SPEN: variants seen among roughly 807,000 people sequenced by gnomAD.
SPEN encodes the protein msx2-interacting protein.
In SPEN, 18 loss-of-function variants were observed where a neutral mutation model predicts 269.9. The observed-to-expected ratio is 0.07, with a 90% CI of 0.05 to 0.10. SPEN has a LOEUF of 0.10. Ranked by LOEUF, SPEN falls within the 10% of genes least tolerant of loss-of-function variation. The pLI is 1.00. For missense variants in SPEN, 3,822 were observed against 4,631.2 expected, an observed-to-expected ratio of 0.83 and a Z score of 5.07; for synonymous variants, 1,726 against 1,765.7, an observed-to-expected ratio of 0.98 and a Z score of 0.56.
Position 15,873,130 on chromosome 1 carries a change from T to C in SPEN, c.398T>C (p.Leu133Pro), listed in dbSNP as rs766864361. Reference protein sequence around the residue: ...HAREGRYERRLDGASDNRERA... With the variant: ...HAREGRYERRPDGASDNRERA... ...CGAGAAGGACGTTATGAGCGGAGAC[T>C]TGATGGGTAAGTTCCAAGGTTTCTG... Residue 133 changes from leucine (L) to proline (P), a missense_variant, in exon 2 of 15, where the codon CTT (leucine) becomes CCT (proline). Leu to Pro is a moderately conservative substitution (Grantham distance 98, BLOSUM62 -3). Coordinates refer to ENST00000375759, the MANE Select transcript of SPEN (RefSeq NM_015001.3). The C allele has an allele frequency of 1.2e-6, 2 of 1,607,386 alleles. No homozygotes were observed. Among genetic ancestry groups the C allele is most frequent in the Admixed American group, 3.4e-5 (2 of 59,568 alleles).
intron 3 of SPEN, among the ~76,000 whole-genome samples, chr1:15,901,535 AG>A (rs1408350073): frequency 6.6e-6 from 1 of 151,292 alleles, no homozygotes; most frequent in Non-Finnish European, 1.5e-5. Context: ...CTGTGGTCCC[AG>A]CTACCCAGAA....
intron 5 of SPEN, among the ~76,000 whole-genome samples, chr1:15,913,481 G>T (rs1245533793): frequency 6.6e-6 from 1 of 151,896 alleles, no homozygotes; most frequent in African/African-American, 2.4e-5. Context: ...TTGGAGACAG[G>T]GTCTCACTCT....
Position 15,929,662 on chromosome 1 carries a change from C to T in SPEN, c.3422C>T (p.Pro1141Leu). The part of the protein sequence containing the change: ...KNYCSLRDET[P>L]ERKSGQEKSH... ...TATTGCAGTCTTCGTGATGAAACAC[C>T]TGAACGTAAATCAGGCCAAGAGAAA... Residue 1141 changes from proline to leucine, a missense_variant, in exon 11 of 15, where the codon CCT becomes CTT. Transcript: ENST00000375759. The surrounding 1 kb of genome is among the most constrained non-coding windows in gnomAD (Gnocchi z 5.8). The T allele has an allele frequency of 1.9e-6, 3 of 1,614,092 alleles. No homozygotes were observed. The highest frequency in any genetic ancestry group is 1.6e-4 in the Middle Eastern group (1 of 6,062).
At chr1:15,855,246 A>G (rs1296267262) in intron 1 of SPEN, among the ~76,000 whole-genome samples, 1 of 152,224 alleles carries the variant, frequency 6.6e-6, no homozygotes, top group Non-Finnish European at 1.5e-5. Context: ...TTGGGTCACT[A>G]GGGAACATTG....
chr1:15,925,594 A>T (rs969173170), intron 10 of SPEN, among the ~76,000 whole-genome samples: 24 of 143,862 alleles, frequency 1.7e-4, no homozygotes, highest in South Asian at 6.6e-4. Context: ...TTTTTATTAA[A>T]TTTTTTTTTT....
At chr1:15,856,971 C>G (rs1240052971) in intron 1 of SPEN, among the ~76,000 whole-genome samples, 1 of 152,134 alleles carries the variant, frequency 6.6e-6, no homozygotes, top group Non-Finnish European at 1.5e-5. Flanking sequence ...TTTGAACATA[C>G]ACAAAAGTGG....
intron 13 of SPEN, among the ~76,000 whole-genome samples, 186 bp downstream of exon 13, chr1:15,938,192 C>T (rs538687088): frequency 6.6e-6 from 1 of 152,362 alleles, no homozygotes. Context: ...TAGCCTCTGC[C>T]TCCCGGGTTC....
chr1:15,856,860 G>C (rs954500847), intron 1 of SPEN, among the ~76,000 whole-genome samples: 2 of 151,650 alleles, frequency 1.3e-5, no homozygotes, highest in South Asian at 2.1e-4. Flanking sequence ...AAGCCACTGC[G>C]CCTGGCCTAG....
At chr1:15,867,498 C>T (rs1343493811) in intron 1 of SPEN, among the ~76,000 whole-genome samples, 2 of 152,116 alleles carry the variant, frequency 1.3e-5, no homozygotes, top group Non-Finnish European at 2.9e-5. Context: ...ACGCCTGGCT[C>T]ATGCCACGTT....
At chr1:15,938,470 G>T (rs925877695) in intron 13 of SPEN, 12 of 387,738 alleles carry the variant, frequency 3.1e-5, no homozygotes, top group African/African-American at 2.5e-4. Flanking sequence ...TCTACTTGGT[G>T]GGGGGATGTA....
At position 15,928,065 on chromosome 1, in the gene SPEN, C is replaced by T; in HGVS notation, c.1851-26C>T. 6.4e-7 allele frequency: 1 copy of T among 1,560,270 alleles called. No homozygotes were observed. ...CATAAGTGATGAGGAAACAAAAGAA[C>T]TAATATCTTTGTTATTTTTTGGCAG... On this transcript the variant is annotated intron_variant, in intron 10 of 14. Coordinates refer to ENST00000375759, the MANE Select transcript of SPEN (RefSeq NM_015001.3). The surrounding 1 kb of genome is among the most constrained non-coding windows in gnomAD (Gnocchi z 5.7).
rs376564243 is a variant in SPEN at position 15,938,822 on chromosome 1, G to A, written c.10809G>A (p.Leu3603=). 4 of 1,613,968 alleles carry A rather than the reference G, an allele frequency of 2.5e-6. No homozygotes were observed. The highest frequency in any genetic ancestry group is 3.4e-6 in the Non-Finnish European group (4 of 1,180,028). ...TCAAGGCTGCCTTCATCACTTACCT[G>A]CAGGCCAAGCAGGCGGCAGGGATCA... The part of the protein sequence containing the change: ...ESLKAAFITY[L]QAKQAAGIIN... Residue 3603 remains leucine (L), a synonymous_variant, in exon 14 of 15, where the codon CTG becomes CTA. Transcript: ENST00000375759.
Position 15,937,030 on chromosome 1 carries a change from C to A in SPEN, c.10027-133C>A. ...AAAGCAGCTCCGTTGATTCAGGCTC[C>A]TTCTGTGGGCCTGACTTAACGGGAG... On this transcript the variant is annotated intron_variant, in intron 11 of 14. Coordinates refer to ENST00000375759, the MANE Select transcript of SPEN (RefSeq NM_015001.3). This position sits in a 1 kb window ranked among gnomAD's most constrained non-coding sequence, Gnocchi z 5.7. 1 of 1,344,438 alleles carries A rather than the reference C, an allele frequency of 7.4e-7. No individual in the cohort carries two copies. The highest frequency in any genetic ancestry group is 1.0e-6 in the Non-Finnish European group (1 of 985,782). 83.3% of individuals were successfully genotyped at this position (1,344,438 alleles called of 1,614,324 possible). A position where few individuals can be genotyped will look rare whatever the true frequency, so the allele number is the denominator to read the frequency against.
rs748603731 is a variant in SPEN, at chr1:15,937,856, C to T, written c.10554C>T (p.Asp3518=). 3 of 1,614,102 alleles carry T rather than the reference C, an allele frequency of 1.9e-6. No individual in the cohort carries two copies. The highest frequency in any genetic ancestry group is 1.7e-5 in the Admixed American group (1 of 60,016). ...VWQGLLALKN[D]TAAVQLHFVS... ...AGGGCCTGCTGGCCCTCAAGAATGA[C>T]ACAGCTGCTGTGCAGCTCCACTTCG... The change falls in exon 13 of 15, where the codon GAC becomes GAT. Residue 3518 remains aspartate (D), a synonymous_variant. Transcript: ENST00000375759. This position sits in a 1 kb window ranked among gnomAD's most constrained non-coding sequence, Gnocchi z 5.7.
Position 15,937,824 on chromosome 1 carries a change from G to A in SPEN, c.10522G>A (p.Val3508Met), listed in dbSNP as rs1405875555. The A allele has an allele frequency of 4.3e-6, 7 of 1,613,944 alleles. No homozygotes were observed. Among genetic ancestry groups the A allele is most frequent in the Middle Eastern group, 1.7e-4 (1 of 6,060 alleles). ...MVQLLKKYPI[V>M]WQGLLALKND... The stretch of plus-strand genomic sequence containing the variant: ...TCCCTGTGAGCAGAAGTACCCCATC[G>A]TGTGGCAGGGCCTGCTGGCCCTCAA... Residue 3508 changes from valine (V) to methionine (M), a missense_variant, in exon 13 of 15, where the codon GTG becomes ATG. This residue lies in a region of SPEN where 103 missense variants were observed against 215.8 expected (regional missense o/e 0.48). Coordinates refer to ENST00000375759, the MANE Select transcript of SPEN (RefSeq NM_015001.3). This position sits in a 1 kb window ranked among gnomAD's most constrained non-coding sequence, Gnocchi z 5.7.
chr1:15,876,561 C>T lies in SPEN; in HGVS notation c.764C>T (p.Pro255Leu). ...PHSSQSRNQS[P>L]QRLASQASRP... ...TCATCCCAGTCTAGAAATCAGTCTC[C>T]TCAGAGACTGGCTAGCCAAGCATCT... Residue 255 changes from proline to leucine, a missense_variant, in exon 3 of 15, where the codon CCT becomes CTT. Pro to Leu is a moderately conservative substitution (Grantham distance 98). This residue lies in a region of SPEN where 327 missense variants were observed against 350.8 expected (regional missense o/e 0.93). Transcript: ENST00000375759. The T allele has an allele frequency of 6.2e-7, 1 of 1,614,012 alleles. No homozygotes were observed. The highest frequency in any genetic ancestry group is 8.5e-7 in the Non-Finnish European group (1 of 1,179,936).
chr1:15,856,389 C>T (rs998821568), intron 1 of SPEN, among the ~76,000 whole-genome samples: 3 of 151,926 alleles, frequency 2.0e-5, no homozygotes, highest in African/African-American at 4.8e-5. Flanking sequence ...TAACTTCTTA[C>T]TGGGATCTAA....
rs149855157 is a variant in SPEN, at chr1:15,933,473, G to A, written c.7233G>A (p.Ser2411=). The A allele has an allele frequency of 3.4e-4, 546 of 1,614,040 alleles. 2 individuals are homozygous for A. In the African/African-American group the frequency reaches 5.7e-3, roughly 17 times the overall value. Residue 2411 remains serine (S), a synonymous_variant, in exon 11 of 15, where the codon TCG becomes TCA. Coordinates refer to ENST00000375759, the MANE Select transcript of SPEN (RefSeq NM_015001.3). The surrounding 1 kb of genome is among the most constrained non-coding windows in gnomAD (Gnocchi z 5.7). ...GCAAGATTCCCTCCACAGAGAATTC[G>A]TCCCAAGAAATCAGTGTTGAGGAAA... ...DLSKIPSTEN[S]SQEISVEERT...
intron 3 of SPEN, among the ~76,000 whole-genome samples, chr1:15,909,090 T>A (rs1294666219): frequency 6.6e-6 from 1 of 152,116 alleles, no homozygotes; most frequent in Non-Finnish European, 1.5e-5. Context: ...AATGCAACAC[T>A]TGCATTGGTG....
Sources: gnomAD v4.1 joint callset for allele counts (sites outside exome capture counted in the v4.1 genomes callset) on GRCh38, gnomAD v4.1.1 for gene constraint, gnomAD v4.1.1 regional missense constraint, Gnocchi (gnomAD v3.1) non-coding constraint, MANE v1.5 for transcripts, NCBI Gene and HGNC (gene_info 2026-07-23, HGNC 2026-07-21) for gene names.